Variants in MARK1 observed in about 807,000 individuals in gnomAD.
The protein encoded by MARK1 is serine/threonine-protein kinase MARK1.
In MARK1, 40 loss-of-function variants were observed where a neutral mutation model predicts 96.3. The ratio of observed to expected loss-of-function variants is 0.42; its 90% CI spans 0.32 to 0.54. MARK1 has a LOEUF of 0.54. Ranked by LOEUF, MARK1 falls within the 20% of genes least tolerant of loss-of-function variation. MARK1 has a pLI of 0.16. For missense variants in MARK1, 719 were observed against 984.6 expected (o/e 0.73, Z 3.61); for synonymous variants, 317 against 341.2 (o/e 0.93, Z 0.78).
At chr1:220,546,990 AAAAAGAAAAG>A (rs1450800026) in intron 1 of MARK1, among the ~76,000 whole-genome samples, 5 of 151,942 alleles carry the variant, frequency 3.3e-5, no homozygotes, top group African/African-American at 9.7e-5. Context: ...AAAAAAAAGA[AAAAAGAAAAG>A]AAAAGAAAAG....
intron 13 of MARK1, among the ~76,000 whole-genome samples, chr1:220,640,621 C>A (rs757047378): frequency 1.3e-5 from 2 of 152,116 alleles, no homozygotes; most frequent in Non-Finnish European, 2.9e-5. Flanking sequence ...ATAATGGATA[C>A]TTTATAAAGA....
intron 6 of MARK1, among the ~76,000 whole-genome samples, chr1:220,604,461 T>A (rs879581469): frequency 3.9e-5 from 6 of 152,074 alleles, no homozygotes; most frequent in Admixed American, 3.3e-4. Context: ...CTTTATCCAA[T>A]AATTATTATA....
chr1:220,545,361 C>G (rs1661409396), intron 1 of MARK1, among the ~76,000 whole-genome samples: 1 of 149,546 alleles, frequency 6.7e-6, no homozygotes, highest in Admixed American at 6.7e-5. Flanking sequence ...TTGATGAGAT[C>G]TGTATTAAAT....
At chr1:220,657,016 ATTAAC>A (rs1314609962) in intron 16 of MARK1, among the ~76,000 whole-genome samples, 1 of 152,204 alleles carries the variant, frequency 6.6e-6, no homozygotes, top group African/African-American at 2.4e-5. Context: ...TTAAGACAGT[ATTAAC>A]TTAAGGATTC....
chr1:220,601,215 G>T (rs1482184463), intron 5 of MARK1, among the ~76,000 whole-genome samples: 1 of 151,646 alleles, frequency 6.6e-6, no homozygotes, highest in Non-Finnish European at 1.5e-5. Context: ...ACCGCGCCTG[G>T]CCTCATATTT....
At chr1:220,609,106 A>G (rs1572169051) in intron 6 of MARK1, among the ~76,000 whole-genome samples, 1 of 152,260 alleles carries the variant, frequency 6.6e-6, no homozygotes, top group Non-Finnish European at 1.5e-5. Flanking sequence ...AGTCCTGGAT[A>G]TCCTTGTTAA....
chr1:220,657,416 C>T (rs74139802), intron 16 of MARK1, among the ~76,000 whole-genome samples: 1,715 of 152,172 alleles, frequency 0.011, 26 homozygotes, highest in African/African-American at 0.04. Flanking sequence ...TAGAATTATA[C>T]ATAATTACAA....
At chr1:220,660,974 G>A (rs1427628984) in intron 17 of MARK1, among the ~76,000 whole-genome samples, 2 of 152,162 alleles carry the variant, frequency 1.3e-5, no homozygotes, top group African/African-American at 4.8e-5. Flanking sequence ...AGGCTAAGGG[G>A]GCTTGGCCAT....
intron 3 of MARK1, among the ~76,000 whole-genome samples, chr1:220,593,862 A>G (rs1477493970): frequency 6.6e-6 from 1 of 152,120 alleles, no homozygotes; most frequent in Non-Finnish European, 1.5e-5. Context: ...TCTGTGTCAG[A>G]GTGAGAGGCC....
chr1:220,581,165 A>T, intron 3 of MARK1, 47 bp downstream of exon 3: 1 of 645,576 alleles, frequency 1.5e-6, no homozygotes, highest in Non-Finnish European at 2.4e-6. Flanking sequence ...TTTATCATTA[A>T]TATGTGATGT....
At chr1:220,626,634 C>T in intron 9 of MARK1, 1 of 355,454 alleles carries the variant, frequency 2.8e-6, no homozygotes, top group Non-Finnish European at 5.5e-6. Flanking sequence ...CCAGCCTGGC[C>T]AACATGGTGA....
rs937677345 is a variant in MARK1, at chr1:220,599,693, G to A, written c.359-105G>A. 6 of 544,394 alleles carry A rather than the reference G, an allele frequency of 1.1e-5. No homozygotes were observed. The East Asian group carries it at 1.2e-4, about 11-fold the overall frequency. 33.7% of individuals were successfully genotyped at this position (544,394 alleles called of 1,614,324 possible). A position where few individuals can be genotyped will look rare whatever the true frequency, so the allele number is the denominator to read the frequency against. ...TTAAAATTGTGATTAATAATGTTTAGCAAGTAGTCAAATTTTCTACTAGTT... is the reference window on the plus strand; with the variant it reads ...TTAAAATTGTGATTAATAATGTTTAACAAGTAGTCAAATTTTCTACTAGTT... On this transcript the variant is annotated intron_variant, in intron 4 of 17. Transcript: ENST00000366917.
Position 220,600,881 on chromosome 1 carries a change from C to T in MARK1, c.424+1018C>T, listed in dbSNP as rs376408737. Among the ~76,000 whole-genome samples the T allele has an allele frequency of 9.9e-3, 1,299 of 131,374 alleles. 16 individuals carry two copies. The highest frequency in any genetic ancestry group is 0.031 in the African/African-American group (1,188 of 38,190). 86.2% of individuals were successfully genotyped at this position (131,374 alleles called of 152,430 possible). A position where few individuals can be genotyped will look rare whatever the true frequency, so the allele number is the denominator to read the frequency against. On this transcript the variant is annotated intron_variant, in intron 5 of 17. Transcript: ENST00000366917. Reference sequence around the variant, plus strand: ...ACTATATTTATACTGTCTCGTATTTCTTTTCTTTTTCTTTTTTTTTTTTTA... The same window carrying T: ...ACTATATTTATACTGTCTCGTATTTTTTTTCTTTTTCTTTTTTTTTTTTTA...
intron 13 of MARK1, among the ~76,000 whole-genome samples, chr1:220,643,758 G>A (rs1450777148): frequency 3.3e-5 from 5 of 152,138 alleles, no homozygotes; most frequent in Admixed American, 3.3e-4. Flanking sequence ...AAAGAGATTG[G>A]GGGCCAATAT....
chr1:220,548,930 C>T (rs1293869251), intron 1 of MARK1, among the ~76,000 whole-genome samples: 1 of 152,196 alleles, frequency 6.6e-6, no homozygotes, highest in Non-Finnish European at 1.5e-5. Context: ...TCTTTTATTA[C>T]CAGCTTGTAA....
intron 9 of MARK1, chr1:220,626,087 T>C: frequency 3.3e-6 from 2 of 603,452 alleles, no homozygotes; most frequent in East Asian, 3.9e-5. Flanking sequence ...GGTGGCTCTC[T>C]GGCAAGTGCT....
At chr1:220,628,287 C>T (rs935417388) in intron 9 of MARK1, among the ~76,000 whole-genome samples, 1 of 152,188 alleles carries the variant, frequency 6.6e-6, no homozygotes, top group Non-Finnish European at 1.5e-5. Flanking sequence ...CATCCTTCAA[C>T]CTGGCAATCC....
intron 1 of MARK1, among the ~76,000 whole-genome samples, chr1:220,529,662 C>T (rs993227103): frequency 6.6e-6 from 1 of 152,148 alleles, no homozygotes; most frequent in East Asian, 1.9e-4. Context: ...TTTTCTGTGT[C>T]TTTGATCAGA....
chr1:220,661,131 A>G (rs1357304863), intron 17 of MARK1, among the ~76,000 whole-genome samples: 2 of 152,216 alleles, frequency 1.3e-5, no homozygotes, highest in Admixed American at 6.5e-5. Flanking sequence ...CGTGTGTTCA[A>G]GGAGCAGCAT....
Sources: allele counts gnomAD v4.1 joint callset (sites outside exome capture counted in the v4.1 genomes callset), GRCh38; gene constraint gnomAD v4.1.1; transcripts MANE v1.5; gene names NCBI Gene and HGNC (gene_info 2026-07-23, HGNC 2026-07-21).